Variants in IL1RAPL1 observed in about 807,000 individuals in gnomAD.
IL1RAPL1 encodes the protein interleukin-1 receptor accessory protein-like 1.
IL1RAPL1 carries 3 observed loss-of-function variants against 48.4 expected under a neutral mutation model. The ratio of observed to expected loss-of-function variants is 0.06; its 90% CI spans 0.03 to 0.16. The LOEUF (loss-of-function observed/expected upper bound fraction) is 0.16, where lower values mean the gene tolerates loss of function less well. Ranked by LOEUF, IL1RAPL1 falls within the 10% of genes least tolerant of loss-of-function variation. The pLI is 1.00. For synonymous variants in IL1RAPL1, 185 were observed against 187.7 expected (o/e 0.99, Z 0.12); for missense variants, 349 against 530.6 (o/e 0.66, Z 3.36).
chrX:29,586,551 A>G (rs1569344668), intron 5 of IL1RAPL1, among the ~76,000 whole-genome samples: 1 of 111,667 alleles, frequency 9.0e-6, no homozygotes. Flanking sequence ...TGAATTGTAG[A>G]ATTTTTTTTA....
In IL1RAPL1 at chrX:29,875,818, A is replaced by G. The variant is rs1931890851; in HGVS notation, c.779-41646A>G. Among the ~76,000 whole-genome samples the G allele has an allele frequency of 5.3e-5, 6 of 112,158 alleles. No individual in the cohort carries two copies. In the Admixed American group the frequency reaches 5.7e-4, roughly 11 times the overall value. On this transcript the variant is annotated intron_variant, in intron 6 of 10. Coordinates refer to ENST00000378993, the MANE Select transcript of IL1RAPL1 (RefSeq NM_014271.4). ...AGCAGATAGTATGAATATGAGTATAATCTGACACTTTTAATATCTCAGAGA... is the reference window on the plus strand; with the variant it reads ...AGCAGATAGTATGAATATGAGTATAGTCTGACACTTTTAATATCTCAGAGA...
intron 5 of IL1RAPL1, among the ~76,000 whole-genome samples, chrX:29,497,207 A>G (rs1311632274): frequency 8.9e-6 from 1 of 112,192 alleles, no homozygotes; most frequent in Non-Finnish European, 1.9e-5. Flanking sequence ...AGTTAGATGT[A>G]AAATTTCCTG....
At chrX:29,710,572 T>A (rs1927312832) in intron 6 of IL1RAPL1, among the ~76,000 whole-genome samples, 1 of 106,408 alleles carries the variant, frequency 9.4e-6, no homozygotes, top group Admixed American at 1.0e-4. Flanking sequence ...TCTTTGTATT[T>A]TATATATATA....
intron 5 of IL1RAPL1, among the ~76,000 whole-genome samples, chrX:29,468,333 C>T (rs1384311360): frequency 8.9e-6 from 1 of 112,294 alleles, no homozygotes; most frequent in Non-Finnish European, 1.9e-5. Flanking sequence ...CTTTTTCCTT[C>T]AAAGCAGGAA....
chrX:28,866,665 T>A (rs185134649), intron 2 of IL1RAPL1, among the ~76,000 whole-genome samples: 2 of 111,821 alleles, frequency 1.8e-5, no homozygotes, highest in Non-Finnish European at 3.8e-5. Context: ...ATATATTAAC[T>A]CATTTAATTC....
At chrX:28,588,206 ATGTGTGTGTGTGTGTG>A (rs768348078) in intron 1 of IL1RAPL1, among the ~76,000 whole-genome samples, 159 bp downstream of exon 1, 3 of 49,926 alleles carry the variant, frequency 6.0e-5, no homozygotes, top group South Asian at 8.8e-4. Flanking sequence ...GTGTGTTGAT[ATGTGTGTGTGTGTGTG>A]TGTGTGTGTG....
At chrX:29,464,934 G>A (rs1934845303) in intron 5 of IL1RAPL1, among the ~76,000 whole-genome samples, 1 of 111,283 alleles carries the variant, frequency 9.0e-6, no homozygotes, top group African/African-American at 3.3e-5. Flanking sequence ...ATGAAGGGTG[G>A]CAGGAGGGTG....
intron 2 of IL1RAPL1, among the ~76,000 whole-genome samples, chrX:29,145,473 C>T (rs1484876929): frequency 8.9e-6 from 1 of 112,465 alleles, no homozygotes; most frequent in Non-Finnish European, 1.9e-5. Flanking sequence ...CTATGCTTCT[C>T]CTTAAACACT....
chrX:29,838,115 C>A (rs2147192006), intron 6 of IL1RAPL1, among the ~76,000 whole-genome samples: 1 of 111,385 alleles, frequency 9.0e-6, no homozygotes, highest in African/African-American at 3.3e-5. Flanking sequence ...TTGGGGTGAC[C>A]TCTTGAGTAA....
intron 2 of IL1RAPL1, among the ~76,000 whole-genome samples, chrX:29,029,640 A>G (rs188229676): frequency 2.1e-4 from 23 of 111,871 alleles, no homozygotes; most frequent in Middle Eastern, 4.6e-3. Context: ...ATTTTGCATG[A>G]CAGTCTTTTA....
chrX:28,936,269 A>T (rs1167894609), intron 2 of IL1RAPL1, among the ~76,000 whole-genome samples: 2 of 111,232 alleles, frequency 1.8e-5, no homozygotes, highest in African/African-American at 6.5e-5. Flanking sequence ...GGGAAAAAAT[A>T]GCATACAGAA....
At chrX:29,495,802 T>C (rs1485135318) in intron 5 of IL1RAPL1, among the ~76,000 whole-genome samples, 1 of 111,455 alleles carries the variant, frequency 9.0e-6, no homozygotes, top group African/African-American at 3.3e-5. Context: ...ATCATTTCAA[T>C]TGAAATACAT....
chrX:29,790,578 T>C (rs1464984916), intron 6 of IL1RAPL1, among the ~76,000 whole-genome samples: 1 of 112,403 alleles, frequency 8.9e-6, no homozygotes, highest in East Asian at 2.8e-4. Flanking sequence ...GTCCATTATA[T>C]GTATCTAATA....
chrX:29,626,286 A>G (rs750926096), intron 5 of IL1RAPL1, among the ~76,000 whole-genome samples: 70 of 112,209 alleles, frequency 6.2e-4, no homozygotes, highest in Non-Finnish European at 5.3e-4. Flanking sequence ...AAGTGTATCA[A>G]TGCAAGTGGC....
chrX:29,235,246 C>T, intron 2 of IL1RAPL1, among the ~76,000 whole-genome samples: 1 of 111,715 alleles, frequency 9.0e-6, no homozygotes, highest in African/African-American at 3.2e-5. Context: ...GGACGTCTTT[C>T]ATAACATTAT....
intron 6 of IL1RAPL1, among the ~76,000 whole-genome samples, chrX:29,725,176 A>G (rs978153688): frequency 9.0e-6 from 1 of 111,342 alleles, no homozygotes; most frequent in Non-Finnish European, 1.9e-5. Flanking sequence ...GTCCTCATCC[A>G]TAAGGAAATT....
At chrX:28,929,803 T>C (rs1350238475) in intron 2 of IL1RAPL1, among the ~76,000 whole-genome samples, 1 of 112,583 alleles carries the variant, frequency 8.9e-6, no homozygotes, top group Admixed American at 9.4e-5. Context: ...CCTTTTGTTA[T>C]TACTGTGTTT....
At chrX:28,772,829 C>A (rs1033069351) in intron 1 of IL1RAPL1, among the ~76,000 whole-genome samples, 4 of 111,545 alleles carry the variant, frequency 3.6e-5, no homozygotes, top group Non-Finnish European at 7.5e-5. Context: ...AGCACTATGA[C>A]AACTTATTAA....
chrX:29,444,341 A>G (rs1331763515), intron 5 of IL1RAPL1, among the ~76,000 whole-genome samples: 3 of 96,539 alleles, frequency 3.1e-5, no homozygotes, highest in Non-Finnish European at 6.3e-5. Flanking sequence ...GACTCTGTCT[A>G]AAAAAAAAAA....
Sources: allele counts gnomAD v4.1 joint callset (sites outside exome capture counted in the v4.1 genomes callset), GRCh38; gene constraint gnomAD v4.1.1; transcripts MANE v1.5; gene names NCBI Gene and HGNC (gene_info 2026-07-23, HGNC 2026-07-21).